Variants in ACSF3 observed in about 807,000 individuals in gnomAD.
ACSF3 encodes malonate--CoA ligase ACSF3, mitochondrial.
Under a neutral mutation model 53.2 loss-of-function variants are expected in ACSF3, and 78 were observed. That is an observed-to-expected ratio of 1.47 (90% CI 1.22 to 1.77). The LOEUF is 1.77. Ranked by LOEUF, ACSF3 falls within the 40% of genes most tolerant of loss-of-function variation. ACSF3 has a pLI of 0.00. For missense variants in ACSF3, 937 were observed against 771.1 expected, an observed-to-expected ratio of 1.22 and a Z score of -2.55; for synonymous variants, 414 against 333.1, an observed-to-expected ratio of 1.24 and a Z score of -2.65.
chr16:89,134,873 T>C (rs1182733255), intron 8 of ACSF3, among the ~76,000 whole-genome samples: 1 of 152,220 alleles, frequency 6.6e-6, no homozygotes, highest in Non-Finnish European at 1.5e-5. Flanking sequence ...CAGCTAGTCC[T>C]GTCTCTCAGA....
chr16:89,129,570 T>C (rs1908862582), intron 7 of ACSF3, among the ~76,000 whole-genome samples: 1 of 152,256 alleles, frequency 6.6e-6, no homozygotes, highest in South Asian at 2.1e-4. Context: ...AAATCCAGCC[T>C]GACAAGCTTT....
chr16:89,133,978 C>G (rs569742895), intron 8 of ACSF3, among the ~76,000 whole-genome samples: 7 of 152,354 alleles, frequency 4.6e-5, no homozygotes, highest in Non-Finnish European at 8.8e-5. Context: ...GCCTGACCCC[C>G]CTCCTTTGTG....
intron 10 of ACSF3, chr16:89,151,310 C>T: frequency 2.4e-6 from 1 of 420,354 alleles, no homozygotes; most frequent in South Asian, 1.7e-5. Flanking sequence ...TAAATTATCT[C>T]AAACATTGAA....
chr16:89,133,091 G>C (rs374418789), intron 7 of ACSF3, 45 bp from the exon 8 acceptor site: 10 of 1,612,210 alleles, frequency 6.2e-6, no homozygotes, highest in African/African-American at 1.3e-5. Context: ...CCAATCCCAA[G>C]AGGGTGTGCC....
chr16:89,154,303 A>C lies in ACSF3; in HGVS notation c.*96A>C. On this transcript the variant is annotated 3_prime_UTR_variant, in exon 11 of 11. Transcript: ENST00000614302. ...CCCGTCCAAGACCTGGCCTCCCTTAAACCTGAACCCCCCAAATCAGGTCAC... is the reference window on the plus strand; with the variant it reads ...CCCGTCCAAGACCTGGCCTCCCTTACACCTGAACCCCCCAAATCAGGTCAC... 1 of 1,143,524 alleles carries C rather than the reference A, an allele frequency of 8.7e-7. No individual in the cohort carries two copies. Among genetic ancestry groups the C allele is most frequent in the Non-Finnish European group, 1.3e-6 (1 of 774,320 alleles). 70.8% of individuals were successfully genotyped at this position (1,143,524 alleles called of 1,614,324 possible). A position where few individuals can be genotyped will look rare whatever the true frequency, so the allele number is the denominator to read the frequency against.
chr16:89,128,719 T>C (rs545553218), intron 7 of ACSF3, among the ~76,000 whole-genome samples: 8 of 152,340 alleles, frequency 5.3e-5, no homozygotes, highest in Middle Eastern at 6.8e-3. Flanking sequence ...CTAGTTTAAG[T>C]CCATTACAGT....
intron 4 of ACSF3, among the ~76,000 whole-genome samples, chr16:89,104,900 G>A (rs993581584): frequency 6.6e-6 from 1 of 152,242 alleles, no homozygotes; most frequent in African/African-American, 2.4e-5. Context: ...TGATAACATT[G>A]GGCTTTAGAG....
At chr16:89,105,082 G>C (rs867414275) in intron 4 of ACSF3, among the ~76,000 whole-genome samples, 6 of 151,722 alleles carry the variant, frequency 4.0e-5, no homozygotes, top group Admixed American at 1.3e-4. Flanking sequence ...CTCCCTGAGG[G>C]CCCCGTCGCC....
At chr16:89,100,552 G>A in intron 2 of ACSF3, 110 bp from the exon 3 acceptor site, 1 of 1,090,538 alleles carries the variant, frequency 9.2e-7, no homozygotes, top group South Asian at 1.4e-5. Flanking sequence ...ATGACTGAAG[G>A]TGCAGCAGGC....
intron 7 of ACSF3, among the ~76,000 whole-genome samples, chr16:89,121,415 T>G (rs1906621626): frequency 6.6e-6 from 1 of 152,200 alleles, no homozygotes; most frequent in South Asian, 2.1e-4. Flanking sequence ...TGTGCAGTGC[T>G]CTGTGGCTGC....
chr16:89,100,279 C>A (rs550402600), intron 2 of ACSF3, among the ~76,000 whole-genome samples: 1 of 152,394 alleles, frequency 6.6e-6, no homozygotes, highest in East Asian at 1.9e-4. Context: ...GTGCTGAGCT[C>A]TTCTCTGCAC....
intron 8 of ACSF3, among the ~76,000 whole-genome samples, chr16:89,133,537 G>A (rs1013675530): frequency 1.3e-5 from 2 of 152,156 alleles, no homozygotes; most frequent in East Asian, 1.9e-4. Flanking sequence ...CCCTCAGCGC[G>A]ACAGCCGCTC....
intron 10 of ACSF3, chr16:89,151,020 G>A (rs1276321043): frequency 7.8e-7 from 1 of 1,288,776 alleles, no homozygotes; most frequent in African/African-American, 1.5e-5. Flanking sequence ...AAGGTCATGA[G>A]TTTTCAGGTT....
At chr16:89,134,374 G>T (rs528319393) in intron 8 of ACSF3, among the ~76,000 whole-genome samples, 1 of 152,234 alleles carries the variant, frequency 6.6e-6, no homozygotes, top group Non-Finnish European at 1.5e-5. Context: ...GTGCTTAGCC[G>T]TGCAGGAACA....
chr16:89,128,984 T>G (rs1908738310), intron 7 of ACSF3, among the ~76,000 whole-genome samples: 1 of 116,626 alleles, frequency 8.6e-6, no homozygotes. Flanking sequence ...AAAAAAAAAA[T>G]AGCTGGGCAT....
chr16:89,142,052 G>A (rs1911866119), intron 8 of ACSF3, among the ~76,000 whole-genome samples: 1 of 152,210 alleles, frequency 6.6e-6, no homozygotes, highest in South Asian at 2.1e-4. Flanking sequence ...CTGGGGCCCT[G>A]GGAATGGCAC....
intron 7 of ACSF3, among the ~76,000 whole-genome samples, chr16:89,128,436 A>G (rs948756653): frequency 1.3e-5 from 2 of 151,114 alleles, no homozygotes; most frequent in Non-Finnish European, 2.9e-5. Flanking sequence ...AATTTTTTGT[A>G]TTTAGTACAG....
intron 8 of ACSF3, chr16:89,136,488 C>A: frequency 8.2e-7 from 1 of 1,217,768 alleles, no homozygotes; most frequent in South Asian, 1.4e-5. Flanking sequence ...CCGCTCCTGC[C>A]GGGAGAGCAT....
intron 7 of ACSF3, among the ~76,000 whole-genome samples, chr16:89,126,515 C>T (rs575044451): frequency 2.8e-4 from 43 of 152,282 alleles, no homozygotes; most frequent in African/African-American, 7.2e-5. Context: ...GTGATCTGCC[C>T]GCCTCGGCCT....
Sources: gnomAD v4.1 joint callset for allele counts (sites outside exome capture counted in the v4.1 genomes callset) on GRCh38, gnomAD v4.1.1 for gene constraint, MANE v1.5 for transcripts, NCBI Gene and HGNC (gene_info 2026-07-23, HGNC 2026-07-21) for gene names.